The following NFYA variants were observed in gnomAD, a reference collection of about 807,000 sequenced individuals.
The protein encoded by NFYA is CAAT-box DNA binding protein subunit A.
In NFYA, 28 loss-of-function variants were observed where a neutral mutation model predicts 52.8. That is an observed-to-expected ratio of 0.53 (90% CI 0.39 to 0.73). The LOEUF (loss-of-function observed/expected upper bound fraction) is 0.73. Among genes scored for constraint, NFYA ranks in the 30% least tolerant of loss-of-function variants. NFYA has a pLI of 0.00. For synonymous variants in NFYA, 150 were observed against 150.7 expected, an observed-to-expected ratio of 1.00 and a Z score of 0.03; for missense variants, 234 against 427.0, an observed-to-expected ratio of 0.55 and a Z score of 3.98.
In NFYA at chr6:41,098,906, G is replaced by A. The variant is rs1373828391; in HGVS notation, c.*1496G>A. 1 of 152,586 alleles carries A rather than the reference G, an allele frequency of 6.6e-6. No individual in the cohort carries two copies. The highest frequency in any genetic ancestry group is 1.5e-5 in the Non-Finnish European group (1 of 68,028). The allele number at this position is 152,586 out of a possible 1,614,324, so 9.5% of individuals were successfully genotyped here. ...AGAACTAAGATGATATTTCAGAAGA[G>A]TTGGCTGCCTTCTCTGGAAACAAGG... On this transcript the variant is annotated 3_prime_UTR_variant, in exon 10 of 10. Coordinates refer to ENST00000341376, the MANE Select transcript of NFYA (RefSeq NM_002505.5).
chr6:41,096,848 C>G (rs145951740), intron 9 of NFYA, among the ~76,000 whole-genome samples: 1 of 152,230 alleles, frequency 6.6e-6, no homozygotes, highest in Non-Finnish European at 1.5e-5. Flanking sequence ...ACTTTCTGAC[C>G]CTGACCCTAG....
intron 1 of NFYA, among the ~76,000 whole-genome samples, chr6:41,073,636 G>C (rs1763618020): frequency 6.6e-6 from 1 of 152,030 alleles, no homozygotes; most frequent in Non-Finnish European, 1.5e-5. Context: ...GGAGGCCTGG[G>C]GAGGGTGCGC....
intron 5 of NFYA, 128 bp downstream of exon 5, chr6:41,089,838 G>T: frequency 7.6e-7 from 1 of 1,321,262 alleles, no homozygotes; most frequent in South Asian, 1.5e-5. Flanking sequence ...ATATATTTTT[G>T]GCCGGGCGCG....
intron 7 of NFYA, 69 bp from the exon 8 acceptor site, chr6:41,092,843 G>A (rs1413485614): frequency 6.7e-7 from 1 of 1,495,922 alleles, no homozygotes; most frequent in African/African-American, 1.4e-5. Flanking sequence ...TGGATGAAGA[G>A]GAACCAAGAA....
Position 41,090,322 on chromosome 6 carries a change from A to G in NFYA, c.547+13A>G. 1 of 1,595,420 alleles carries G rather than the reference A, an allele frequency of 6.3e-7. No individual in the cohort carries two copies. Among genetic ancestry groups the G allele is most frequent in the South Asian group, 1.1e-5 (1 of 90,660 alleles). Reference sequence around the variant, plus strand: ...ATTCTCCAGCAAGGTAAGTGTACCCATAAGCTTCCCTAGGACTTTTTGGGG... The same window carrying G: ...ATTCTCCAGCAAGGTAAGTGTACCCGTAAGCTTCCCTAGGACTTTTTGGGG... On this transcript the variant is annotated intron_variant, in intron 6 of 9. Coordinates refer to ENST00000341376, the MANE Select transcript of NFYA (RefSeq NM_002505.5).
chr6:41,089,885 C>T (rs1431449267), intron 5 of NFYA, among the ~76,000 whole-genome samples, 175 bp downstream of exon 5: 1 of 152,002 alleles, frequency 6.6e-6, no homozygotes, highest in East Asian at 1.9e-4. Context: ...TTTGAGAGGC[C>T]GAGGCAAGCT....
At chr6:41,078,503 TG>T (rs1452984811) in intron 1 of NFYA, among the ~76,000 whole-genome samples, 1 of 152,226 alleles carries the variant, frequency 6.6e-6, no homozygotes, top group East Asian at 1.9e-4. Context: ...AATTTTTTAA[TG>T]AAGTCTTTAT....
chr6:41,086,342 AT>A (rs1262531305), intron 4 of NFYA, among the ~76,000 whole-genome samples: 1 of 152,136 alleles, frequency 6.6e-6, no homozygotes, highest in African/African-American at 2.4e-5. Flanking sequence ...AAATTCTGTG[AT>A]TTTTATGGGG....
intron 3 of NFYA, among the ~76,000 whole-genome samples, chr6:41,082,926 G>A (rs1763946725): frequency 6.6e-6 from 1 of 152,196 alleles, no homozygotes. Context: ...TAGTGGTGGT[G>A]GCAGTGGCGG....
At position 41,091,699 on chromosome 6, in the gene NFYA, G is replaced by C; in HGVS notation, c.714+5G>C. 6.2e-7 allele frequency: 1 copy of C among 1,605,434 alleles called. No individual in the cohort carries two copies. The highest frequency in any genetic ancestry group is 2.2e-5 in the East Asian group (1 of 44,760). The stretch of plus-strand genomic sequence containing the variant: ...AATTCAGGAGGGATGGTCATGGTAA[G>C]AAAATGTATTTTTCAGCTTTGTCTT... On this transcript the variant is annotated splice_donor_5th_base_variant and intron_variant, in intron 7 of 9. Transcript: ENST00000341376.
At chr6:41,073,564 CCCCCGCT>C (rs951275554) in intron 1 of NFYA, among the ~76,000 whole-genome samples, 51 of 152,170 alleles carry the variant, frequency 3.4e-4, no homozygotes, top group African/African-American at 9.9e-4. Flanking sequence ...GGGCCCGCGC[CCCCCGCT>C]CCCCGCTCCC....
intron 3 of NFYA, 87 bp from the exon 4 acceptor site, chr6:41,083,959 C>T (rs1362734379): frequency 3.9e-6 from 5 of 1,290,096 alleles, no homozygotes; most frequent in Non-Finnish European, 4.2e-6. Flanking sequence ...TCTAGCAAGG[C>T]AGCAGAATAG....
At chr6:41,084,001 T>A (rs140705580) in intron 3 of NFYA, 45 bp from the exon 4 acceptor site, 1 of 1,526,578 alleles carries the variant, frequency 6.6e-7, no homozygotes, top group African/African-American at 1.4e-5. Flanking sequence ...AAAAACCATT[T>A]TGTGTCTTAT....
chr6:41,097,948 T>G lies in NFYA; in HGVS notation c.*538T>G. On this transcript the variant is annotated 3_prime_UTR_variant, in exon 10 of 10. Transcript: ENST00000341376. ...AACAATAAATTCCTGAGATACATTC[T>G]TCCAATCTGTGGTAATAATAAGAAT... The G allele has an allele frequency of 6.5e-6, 1 of 153,054 alleles. No homozygotes were observed. The highest frequency in any genetic ancestry group is 1.9e-4 in the East Asian group (1 of 5,208). 9.5% of individuals were successfully genotyped at this position (153,054 alleles called of 1,614,324 possible).
intron 3 of NFYA, among the ~76,000 whole-genome samples, chr6:41,082,203 T>C (rs1396945145): frequency 6.6e-6 from 1 of 152,176 alleles, no homozygotes; most frequent in African/African-American, 2.4e-5. Context: ...CTGCCACCAA[T>C]AGTGTTTGGT....
In NFYA at chr6:41,101,984, A is replaced by T. The variant is rs889834791; in HGVS notation, c.*4574A>T. 9.2e-5 allele frequency: 14 copies of T among 152,284 alleles called. No homozygotes were observed. Among genetic ancestry groups the T allele is most frequent in the Non-Finnish European group, 1.8e-4 (12 of 68,080 alleles). The allele number at this position is 152,284 out of a possible 1,614,324, so 9.4% of individuals were successfully genotyped here. On this transcript the variant is annotated 3_prime_UTR_variant, in exon 10 of 10. Coordinates refer to ENST00000341376, the MANE Select transcript of NFYA (RefSeq NM_002505.5). ...AAAAAGTTTAGGATTTGGAGTTAAC[A>T]TCGTAATTTCTGCTTTGTTGGTCAG...
rs1764521971 is a variant in NFYA at position 41,102,315 on chromosome 6, C to T, written c.*4905C>T. 6.6e-6 allele frequency among the ~76,000 whole-genome samples: 1 copy of T among 152,150 alleles called. No individual in the cohort carries two copies. Among genetic ancestry groups the T allele is most frequent in the African/African-American group, 2.4e-5 (1 of 41,420 alleles). Reference sequence around the variant, plus strand: ...TCTACCCAGTCTCACATTCTATTGACTCATTGTTCAAAGGGGGGGCAGGAG... The same window carrying T: ...TCTACCCAGTCTCACATTCTATTGATTCATTGTTCAAAGGGGGGGCAGGAG... On this transcript the variant is annotated 3_prime_UTR_variant, in exon 10 of 10. Transcript: ENST00000341376.
rs2113831501 is a variant in NFYA at position 41,099,796 on chromosome 6, C to T, written c.*2386C>T. 6.6e-6 allele frequency: 1 copy of T among 151,810 alleles called. No homozygotes were observed. Among genetic ancestry groups the T allele is most frequent in the African/African-American group, 2.4e-5 (1 of 41,368 alleles). 9.4% of individuals were successfully genotyped at this position (151,810 alleles called of 1,614,324 possible). A position where few individuals can be genotyped will look rare whatever the true frequency, so the allele number is the denominator to read the frequency against. On this transcript the variant is annotated 3_prime_UTR_variant, in exon 10 of 10. Transcript: ENST00000341376. ...ACATTGAACATGTCAGTGTCGATGC[C>T]ACTGGACCAACAGAGCATTTTGTGG...
chr6:41,086,021 CTT>C (rs1241610655), intron 4 of NFYA, among the ~76,000 whole-genome samples: 63 of 152,190 alleles, frequency 4.1e-4, no homozygotes, highest in Admixed American at 4.1e-3. Flanking sequence ...TCACATTTCT[CTT>C]TGCATAAATA....
Sources: allele counts gnomAD v4.1 joint callset (sites outside exome capture counted in the v4.1 genomes callset), GRCh38; gene constraint gnomAD v4.1.1; transcripts MANE v1.5; gene names NCBI Gene and HGNC (gene_info 2026-07-23, HGNC 2026-07-21).